The following RIMBP2 variants were observed in gnomAD, a reference collection of about 807,000 sequenced individuals.
RIMBP2 encodes RIMS-binding protein 2.
A neutral mutation model predicts 118.6 loss-of-function variants in RIMBP2; 48 were observed. The observed-to-expected ratio is 0.40, with a 90% CI of 0.32 to 0.51. The LOEUF (loss-of-function observed/expected upper bound fraction) is 0.51, where lower values mean the gene tolerates loss of function less well. Ranked by LOEUF, RIMBP2 falls within the 20% of genes least tolerant of loss-of-function variation. The pLI, the probability that RIMBP2 is intolerant of heterozygous loss-of-function variation, is 0.41. For synonymous variants in RIMBP2, 762 were observed against 742.9 expected (o/e 1.03, Z -0.42); for missense variants, 1,551 against 1,768.3 (o/e 0.88, Z 2.20).
chr12:130,550,900 C>T (rs1205560186), intron 2 of RIMBP2, among the ~76,000 whole-genome samples: 1 of 152,178 alleles, frequency 6.6e-6, no homozygotes, highest in African/African-American at 2.4e-5. Flanking sequence ...TGAAGCTGCA[C>T]ATAAGTAATC....
intron 16 of RIMBP2, among the ~76,000 whole-genome samples, chr12:130,423,599 G>A (rs1348279380): frequency 6.9e-6 from 1 of 145,422 alleles, no homozygotes; most frequent in African/African-American, 2.6e-5. Context: ...ATTTGTTCTG[G>A]AAACTGTGGG....
At chr12:130,478,073 C>T (rs951959866) in intron 5 of RIMBP2, among the ~76,000 whole-genome samples, 1 of 152,212 alleles carries the variant, frequency 6.6e-6, no homozygotes. Flanking sequence ...TGGAGAGAGA[C>T]AGCAGGACCG....
At chr12:130,642,671 T>A (rs1263874405) in intron 1 of RIMBP2, among the ~76,000 whole-genome samples, 1 of 152,214 alleles carries the variant, frequency 6.6e-6, no homozygotes, top group Non-Finnish European at 1.5e-5. Context: ...CATGCATCTA[T>A]CCTCTTCCAA....
At position 130,461,556 on chromosome 12, in the gene RIMBP2, G is replaced by A. The variant is rs186717230; in HGVS notation, c.154-4856C>T. Among the ~76,000 whole-genome samples, 841 of 152,236 alleles carry A rather than the reference G, an allele frequency of 5.5e-3. 4 individuals are homozygous for A. The highest frequency in any genetic ancestry group is 0.012 in the Admixed American group (186 of 15,302). On this transcript the variant is annotated intron_variant, in intron 6 of 22. Coordinates refer to ENST00000690449, the MANE Select transcript of RIMBP2 (RefSeq NM_001393629.1). The stretch of plus-strand genomic sequence containing the variant: ...GGTTTCCCAGGAGCAGCAGGGCGTC[G>A]TCCCCTCCACATCTCATGTTGAAAT...
At chr12:130,457,752 C>T (rs1414336548) in intron 6 of RIMBP2, among the ~76,000 whole-genome samples, 2 of 152,246 alleles carry the variant, frequency 1.3e-5, no homozygotes, top group Non-Finnish European at 2.9e-5. Context: ...ACCTTCGATA[C>T]TCTGCATGGA....
chr12:130,496,607 G>A (rs997547117), intron 4 of RIMBP2, among the ~76,000 whole-genome samples: 2 of 152,002 alleles, frequency 1.3e-5, no homozygotes, highest in Admixed American at 6.6e-5. Flanking sequence ...GAAAGGCCAC[G>A]TTCCCATCAC....
chr12:130,428,081 A>G (rs2076912303), intron 15 of RIMBP2, 98 bp downstream of exon 15: 11 of 1,193,352 alleles, frequency 9.2e-6, no homozygotes, highest in Non-Finnish European at 1.3e-5. Flanking sequence ...TTGTAGGGCA[A>G]GGCCCCTCTG....
chr12:130,580,859 GAA>G, intron 2 of RIMBP2, among the ~76,000 whole-genome samples: 1 of 152,142 alleles, frequency 6.6e-6, no homozygotes, highest in Admixed American at 6.5e-5. Flanking sequence ...AGAATCGCTT[GAA>G]CCCTGGGGGC....
At position 130,703,851 on chromosome 12, in the gene RIMBP2, G is replaced by T. The variant is rs2065975055; in HGVS notation, c.-352+12371C>A. On this transcript the variant is annotated intron_variant, in intron 1 of 22. Coordinates refer to ENST00000690449, the MANE Select transcript of RIMBP2 (RefSeq NM_001393629.1). The surrounding 1 kb of genome is among the most constrained non-coding windows in gnomAD (Gnocchi z 5.7). ...AGAGAGAGATCGATCTAGAAGCACG[G>T]AGGGAACCCTGAGCCTGAGCCTGAA... Among the ~76,000 whole-genome samples the T allele has an allele frequency of 6.6e-6, 1 of 152,106 alleles. No individual in the cohort carries two copies.
At chr12:130,610,552 T>C (rs903216911) in intron 2 of RIMBP2, among the ~76,000 whole-genome samples, 13 of 25,756 alleles carry the variant, frequency 5.0e-4, no homozygotes, top group Non-Finnish European at 8.0e-4. Flanking sequence ...ATTTTCCTGC[T>C]TTTTTTTTTT....
In RIMBP2 at chr12:130,472,751, G is replaced by T. The variant is rs61935949; in HGVS notation, c.103-2008C>A. On this transcript the variant is annotated intron_variant, in intron 5 of 22. Transcript: ENST00000690449. ...CCAAGGGGAAATCTGCCATTCCCTG[G>T]GCTAAAAATGAAGAGTCGTCTGAGG... 4.9e-3 allele frequency among the ~76,000 whole-genome samples: 739 copies of T among 152,214 alleles called. 3 individuals carry two copies. The highest frequency in any genetic ancestry group is 8.9e-3 in the Non-Finnish European group (607 of 68,010).
chr12:130,460,338 C>T (rs1342096919), intron 6 of RIMBP2, among the ~76,000 whole-genome samples: 2 of 152,068 alleles, frequency 1.3e-5, no homozygotes, highest in South Asian at 2.1e-4. Context: ...CAGGAGCAGC[C>T]GTAATCATGG....
At chr12:130,568,196 C>A (rs757580743) in intron 2 of RIMBP2, among the ~76,000 whole-genome samples, 1 of 152,204 alleles carries the variant, frequency 6.6e-6, no homozygotes. Context: ...CTCATAACTT[C>A]TAAAGCAAAG....
rs2136879404 is a variant in RIMBP2, at chr12:130,710,413, C to G, written c.-352+5809G>C. On this transcript the variant is annotated intron_variant, in intron 1 of 22. Transcript: ENST00000690449. The surrounding 1 kb of genome is among the most constrained non-coding windows in gnomAD (Gnocchi z 4.3). ...GATTATTCATTCACTTGCCCGTTGT[C>G]TTACACATGCACACACACACATACA... Among the ~76,000 whole-genome samples the G allele has an allele frequency of 6.6e-6, 1 of 151,968 alleles. No homozygotes were observed.
At chr12:130,619,419 T>C (rs973420760) in intron 2 of RIMBP2, among the ~76,000 whole-genome samples, 1 of 152,108 alleles carries the variant, frequency 6.6e-6, no homozygotes, top group Non-Finnish European at 1.5e-5. Context: ...GATCACGTTA[T>C]TGATTTTTTT....
At chr12:130,464,861 A>C (rs2096177148) in intron 6 of RIMBP2, 1 of 152,346 alleles carries the variant, frequency 6.6e-6, no homozygotes, top group South Asian at 2.1e-4. Context: ...AGAGCCAGGC[A>C]GGGCTGGTTC....
At position 130,581,832 on chromosome 12, in the gene RIMBP2, A is replaced by G. The variant is rs917810871; in HGVS notation, c.-217+46490T>C. ...TGGCCAGAAGTCACAACACCAAAAA[A>G]TAAGCCACACACTATTATTTTGCAT... On this transcript the variant is annotated intron_variant, in intron 2 of 22. Transcript: ENST00000690449. The surrounding 1 kb of genome is among the most constrained non-coding windows in gnomAD (Gnocchi z 4.4). Among the ~76,000 whole-genome samples, 1 of 152,192 alleles carries G rather than the reference A, an allele frequency of 6.6e-6. No homozygotes were observed. Among genetic ancestry groups the G allele is most frequent in the Non-Finnish European group, 1.5e-5 (1 of 68,038 alleles).
At position 130,422,435 on chromosome 12, in the gene RIMBP2, G is replaced by A. The variant is rs748845480; in HGVS notation, c.3238+18C>T. On this transcript the variant is annotated intron_variant, in intron 17 of 22. Coordinates refer to ENST00000690449, the MANE Select transcript of RIMBP2 (RefSeq NM_001393629.1). The surrounding 1 kb of genome is among the most constrained non-coding windows in gnomAD (Gnocchi z 5.2). ...CTCCGCGGCTGAAAGACACAACAGC[G>A]ATGATGGGGCCACTAACCGATGGAT... 29 of 1,558,168 alleles carry A rather than the reference G, an allele frequency of 1.9e-5. No individual in the cohort carries two copies. Among genetic ancestry groups the A allele is most frequent in the Middle Eastern group, 3.4e-4 (2 of 5,810 alleles).
At chr12:130,631,478 A>G (rs2061991431) in intron 1 of RIMBP2, among the ~76,000 whole-genome samples, 1 of 152,110 alleles carries the variant, frequency 6.6e-6, no homozygotes, top group Admixed American at 6.6e-5. Flanking sequence ...TGTCCTGTGC[A>G]CTATGGGGTG....
Sources: allele counts gnomAD v4.1 joint callset (sites outside exome capture counted in the v4.1 genomes callset), GRCh38; gene constraint gnomAD v4.1.1; non-coding constraint Gnocchi (gnomAD v3.1); transcripts MANE v1.5; gene names NCBI Gene and HGNC (gene_info 2026-07-23, HGNC 2026-07-21).